NEGR1: variants seen among roughly 807,000 people sequenced by gnomAD.
NEGR1 encodes neuronal growth regulator 1.
In NEGR1, 10 loss-of-function variants were observed where a neutral mutation model predicts 40.9. That is an observed-to-expected ratio of 0.24 (90% CI 0.15 to 0.42). NEGR1 has a LOEUF of 0.42. NEGR1 is among the 10% of genes least tolerant of loss of function. NEGR1 has a pLI of 1.00. For synonymous variants in NEGR1, 185 were observed against 166.8 expected, an observed-to-expected ratio of 1.11 and a Z score of -0.84; for missense variants, 352 against 438.9, an observed-to-expected ratio of 0.80 and a Z score of 1.77.
At chr1:71,776,811 G>T (rs1656527825) in intron 2 of NEGR1, among the ~76,000 whole-genome samples, 1 of 152,086 alleles carries the variant, frequency 6.6e-6, no homozygotes, top group South Asian at 2.1e-4. Context: ...TTTTCTATCT[G>T]CCAGGTAGTA....
chr1:72,057,507 C>T (rs1001787530), intron 1 of NEGR1, among the ~76,000 whole-genome samples: 1 of 151,286 alleles, frequency 6.6e-6, no homozygotes, highest in African/African-American at 2.4e-5. Flanking sequence ...AGAAAAGAGA[C>T]TTTCTATTCT....
intron 4 of NEGR1, among the ~76,000 whole-genome samples, chr1:71,636,532 A>G (rs1366104194): frequency 2.6e-5 from 4 of 152,098 alleles, no homozygotes; most frequent in Admixed American, 1.3e-4. Context: ...GACAGGAAAT[A>G]GCACCGAATC....
chr1:71,961,061 A>T (rs146254145), intron 1 of NEGR1, among the ~76,000 whole-genome samples: 154 of 152,268 alleles, frequency 1.0e-3, no homozygotes, highest in African/African-American at 3.6e-3. Context: ...AAATACACTC[A>T]CAGGAATTTT....
intron 1 of NEGR1, among the ~76,000 whole-genome samples, chr1:72,176,465 G>A (rs1570083459): frequency 1.3e-5 from 2 of 151,982 alleles, no homozygotes; most frequent in African/African-American, 2.4e-5. Flanking sequence ...CAAGGTAGTC[G>A]ATGAAATATA....
At chr1:71,853,760 T>C (rs898490842) in intron 2 of NEGR1, among the ~76,000 whole-genome samples, 1 of 152,174 alleles carries the variant, frequency 6.6e-6, no homozygotes, top group South Asian at 2.1e-4. Flanking sequence ...TTTGTTATCA[T>C]AAAGTTTCTG....
intron 3 of NEGR1, among the ~76,000 whole-genome samples, chr1:71,736,631 T>G (rs1655049173): frequency 6.6e-6 from 1 of 152,318 alleles, no homozygotes; most frequent in Non-Finnish European, 1.5e-5. Context: ...AGTAATCTGC[T>G]GGTTGCCTTC....
intron 1 of NEGR1, among the ~76,000 whole-genome samples, chr1:72,140,591 A>C (rs1404412597): frequency 6.6e-6 from 1 of 152,108 alleles, no homozygotes; most frequent in Non-Finnish European, 1.5e-5. Context: ...AATAAATGTC[A>C]ACATGAGTTT....
intron 6 of NEGR1, among the ~76,000 whole-genome samples, chr1:71,464,649 A>G (rs1557535445): frequency 1.3e-5 from 2 of 152,116 alleles, no homozygotes; most frequent in Admixed American, 1.3e-4. Context: ...ACCTAGATGT[A>G]TATCAATTAA....
At chr1:71,966,385 A>G (rs1478090038) in intron 1 of NEGR1, among the ~76,000 whole-genome samples, 1 of 152,198 alleles carries the variant, frequency 6.6e-6, no homozygotes, top group Non-Finnish European at 1.5e-5. Context: ...TAAGTGTTAG[A>G]AATTTCAGAT....
chr1:72,270,635 T>G (rs1373255968), intron 1 of NEGR1, among the ~76,000 whole-genome samples: 1 of 151,936 alleles, frequency 6.6e-6, no homozygotes, highest in African/African-American at 2.4e-5. Flanking sequence ...CTTCATCCTC[T>G]GACTCTTTCA....
At chr1:71,571,558 GGT>G (rs1648807325) in intron 6 of NEGR1, among the ~76,000 whole-genome samples, 1 of 152,128 alleles carries the variant, frequency 6.6e-6, no homozygotes, top group Non-Finnish European at 1.5e-5. Context: ...GGGATGCTCA[GGT>G]GGGTGGATTG....
intron 4 of NEGR1, among the ~76,000 whole-genome samples, chr1:71,638,932 G>T (rs923393526): frequency 6.6e-6 from 1 of 151,722 alleles, no homozygotes; most frequent in African/African-American, 2.4e-5. Flanking sequence ...GTTATTTGTA[G>T]TTTTTAACAG....
intron 1 of NEGR1, among the ~76,000 whole-genome samples, chr1:72,220,566 C>T (rs767920040): frequency 6.6e-6 from 1 of 151,946 alleles, no homozygotes; most frequent in Admixed American, 6.6e-5. Flanking sequence ...CTATGCATAT[C>T]GGTAATATGA....
intron 1 of NEGR1, among the ~76,000 whole-genome samples, chr1:71,995,831 T>C (rs1646499631): frequency 6.6e-6 from 1 of 152,202 alleles, no homozygotes; most frequent in African/African-American, 2.4e-5. Context: ...TCTAGAACAA[T>C]TTTCTAAATG....
At chr1:71,540,738 G>A (rs978666651) in intron 6 of NEGR1, among the ~76,000 whole-genome samples, 10 of 151,588 alleles carry the variant, frequency 6.6e-5, no homozygotes, top group African/African-American at 9.7e-5. Flanking sequence ...GACTGTTAAG[G>A]TATTGTTATA....
intron 1 of NEGR1, among the ~76,000 whole-genome samples, chr1:72,280,111 G>A (rs1656192168): frequency 1.3e-5 from 2 of 152,260 alleles, no homozygotes; most frequent in East Asian, 3.9e-4. Flanking sequence ...GCGGGATATA[G>A]CATCAAAATG....
At chr1:71,774,676 G>T (rs1356613198) in intron 3 of NEGR1, among the ~76,000 whole-genome samples, 3 of 72,530 alleles carry the variant, frequency 4.1e-5, no homozygotes, top group African/African-American at 1.0e-4. Flanking sequence ...CCTTGCTCAG[G>T]GTATTTTCAC....
chr1:72,183,236 C>T (rs1322883697), intron 1 of NEGR1, among the ~76,000 whole-genome samples: 1 of 152,110 alleles, frequency 6.6e-6, no homozygotes, highest in South Asian at 2.1e-4. Context: ...TGCACTTTCA[C>T]ATCCAACACA....
intron 6 of NEGR1, among the ~76,000 whole-genome samples, chr1:71,459,422 C>T (rs1646698611): frequency 6.6e-6 from 1 of 152,168 alleles, no homozygotes; most frequent in Non-Finnish European, 1.5e-5. Flanking sequence ...CTAAGTATGT[C>T]ACTTCCACAC....
Sources: gnomAD v4.1 joint callset for allele counts (sites outside exome capture counted in the v4.1 genomes callset) on GRCh38, gnomAD v4.1.1 for gene constraint, MANE v1.5 for transcripts, NCBI Gene and HGNC (gene_info 2026-07-23, HGNC 2026-07-21) for gene names.